Variants in ROBO4 observed in about 807,000 individuals in gnomAD.
ROBO4 encodes roundabout homolog 4.
Under a neutral mutation model 103.3 loss-of-function variants are expected in ROBO4, and 80 were observed. The ratio of observed to expected loss-of-function variants is 0.77; its 90% CI spans 0.65 to 0.93. The LOEUF (loss-of-function observed/expected upper bound fraction) is 0.93, where lower values mean the gene tolerates loss of function less well. Among genes scored for constraint, ROBO4 ranks in the 40% least tolerant of loss-of-function variants. The pLI is 0.00. For synonymous variants in ROBO4, 504 were observed against 529.7 expected (o/e 0.95, Z 0.67); for missense variants, 1,333 against 1,305.3 (o/e 1.02, Z -0.33).
chr11:124,893,867 C>A lies in ROBO4; in HGVS notation c.1497G>T (p.Leu499=), dbSNP rs1342790309. ...TCCCCCTCAGACTCTCACCTGGGCC[C>A]AGGTGCACCCTAGCTCGGCGCCGGC... ...IHRRRRARVH[L]GPGLYRYTSE... Residue 499 remains leucine (L), a synonymous_variant, in exon 9 of 18, where the codon CTG becomes CTT. Coordinates refer to ENST00000306534, the MANE Select transcript of ROBO4 (RefSeq NM_019055.6). 6 of 1,613,232 alleles carry A rather than the reference C, an allele frequency of 3.7e-6. No individual in the cohort carries two copies. The highest frequency in any genetic ancestry group is 1.7e-4 in the Middle Eastern group (1 of 5,812).
Position 124,895,577 on chromosome 11 carries a change from G to C in ROBO4, c.916C>G (p.Gln306Glu). Reference protein sequence around the residue: ...PWAEELLAGWQSAELGGLHWG... With the variant: ...PWAEELLAGWESAELGGLHWG... ...TGGAGGCCTCCAAGCTCTGCGCTCT[G>C]CCAGCCGGCCAGCAGCTCCTCTGCC... Residue 306 changes from glutamine to glutamate, a missense_variant, in exon 6 of 18, where the codon CAG (glutamine) becomes GAG (glutamate). By Grantham distance (29) the Gln-to-Glu change is conservative. Transcript: ENST00000306534. 3.7e-6 allele frequency: 6 copies of C among 1,613,328 alleles called. No homozygotes were observed. The highest frequency in any genetic ancestry group is 5.1e-6 in the Non-Finnish European group (6 of 1,180,028).
At chr11:124,895,348 G>A in intron 6 of ROBO4, 109 bp downstream of exon 6, 1 of 1,224,990 alleles carries the variant, frequency 8.2e-7, no homozygotes, top group Non-Finnish European at 1.2e-6. Flanking sequence ...GAGTCCCAGG[G>A]TAGGACCCAT....
chr11:124,893,932 G>A lies in ROBO4; in HGVS notation c.1432C>T (p.Leu478Phe), dbSNP rs771258026. The A allele has an allele frequency of 6.2e-7, 1 of 1,611,476 alleles. No homozygotes were observed. Among genetic ancestry groups the A allele is most frequent in the South Asian group, 1.1e-5 (1 of 90,730 alleles). Residue 478 changes from leucine to phenylalanine, a missense_variant, in exon 9 of 18, where the codon CTC becomes TTC. Transcript: ENST00000306534. ...PEVIATCGVA[L>F]WLLLLGTAVC... ...GCGGTGCCCAGAAGCAGCAGCCAGA[G>A]TGCAACACCGCAGGTGGCAATGACC...
chr11:124,885,314 G>A (rs1946695370), intron 16 of ROBO4, 67 bp from the exon 17 acceptor site: 1 of 1,351,708 alleles, frequency 7.4e-7, no homozygotes, highest in Non-Finnish European at 1.0e-6. Flanking sequence ...GTTTAGTACA[G>A]AAAGCTTAGG....
chr11:124,885,594 T>G (rs1432798380), intron 16 of ROBO4, among the ~76,000 whole-genome samples: 8 of 151,788 alleles, frequency 5.3e-5, no homozygotes, highest in East Asian at 3.9e-4. Flanking sequence ...TTTTTTTTTT[T>G]GTCGGGGCAA....
Position 124,897,772 on chromosome 11 carries a change from G to A in ROBO4, c.24C>T (p.Leu8=), listed in dbSNP as rs770718501. The change falls in exon 1 of 18, where the codon CTC becomes CTT. Residue 8 remains leucine (L), a synonymous_variant. Coordinates refer to ENST00000306534, the MANE Select transcript of ROBO4 (RefSeq NM_019055.6). MGSGGDS[L]LGGRGSLPLL... is the part of the protein sequence containing the mutation. ...GAGGCAGGGAACCCCTGCCCCCCAG[G>A]AGGCTGTCTCCTCCAGAGCCCATGG... is the stretch of plus-strand genomic sequence containing the variant. The A allele has an allele frequency of 7.4e-6, 12 of 1,613,756 alleles. No individual in the cohort carries two copies. The highest frequency in any genetic ancestry group is 1.0e-5 in the Non-Finnish European group (12 of 1,179,922).
rs371016068 is a variant in ROBO4 at position 124,895,474 on chromosome 11, A to T, written c.1019T>A (p.Leu340Gln). 2.1e-5 allele frequency: 34 copies of T among 1,610,274 alleles called. No homozygotes were observed. The highest frequency in any genetic ancestry group is 2.7e-5 in the Non-Finnish European group (32 of 1,179,994). ...ARGPDSNVLL[L>Q]RLPEKVPSAP... is the part of the protein sequence containing the mutation. ...GCCCTGACCTTTTTCCGGCAGCCTC[A>T]GGAGCAGCACGTTGCTGTCAGGGCC... is the stretch of plus-strand genomic sequence containing the variant. The change falls in exon 6 of 18, where the codon CTG becomes CAG. Residue 340 changes from leucine to glutamine, a missense_variant. Physicochemically the swap from Leu to Gln is moderately radical, Grantham distance 113. Transcript: ENST00000306534.
intron 16 of ROBO4, among the ~76,000 whole-genome samples, chr11:124,885,887 C>T (rs1946703645): frequency 6.6e-6 from 1 of 152,132 alleles, no homozygotes; most frequent in Non-Finnish European, 1.5e-5. Context: ...AGTTGGCTGC[C>T]TTTAGAACTG....
chr11:124,889,379 AG>A (rs1946767736), intron 12 of ROBO4, among the ~76,000 whole-genome samples: 1 of 152,166 alleles, frequency 6.6e-6, no homozygotes. Context: ...GGCCTGGAAA[AG>A]GCCACTTTTA....
Position 124,884,779 on chromosome 11 carries a change from G to T in ROBO4, c.*112C>A. On this transcript the variant is annotated 3_prime_UTR_variant, in exon 18 of 18. Transcript: ENST00000306534. ...AACTCTCTGGAGGCTTGGGAAGGTG[G>T]ACCCCAGCTGCAGAGAAACACAGGC... 8.4e-7 allele frequency: 1 copy of T among 1,196,092 alleles called. No homozygotes were observed. The highest frequency in any genetic ancestry group is 1.2e-6 in the Non-Finnish European group (1 of 804,168). The allele number at this position is 1,196,092 out of a possible 1,614,324, so 74.1% of individuals were successfully genotyped here. A position where few individuals can be genotyped will look rare whatever the true frequency, so the allele number is the denominator to read the frequency against.
At chr11:124,892,795 A>G (rs1358390500) in intron 10 of ROBO4, 2 of 152,458 alleles carry the variant, frequency 1.3e-5, no homozygotes, top group African/African-American at 4.8e-5. Flanking sequence ...TCAAGGACAG[A>G]GCAGGAGATC....
At chr11:124,891,148 AAG>A (rs1946790432) in intron 12 of ROBO4, 149 bp downstream of exon 12, 7 of 893,890 alleles carry the variant, frequency 7.8e-6, no homozygotes, top group Non-Finnish European at 9.4e-6. Context: ...TGGTAGGAGA[AAG>A]AGGTCTTGTG....
rs1946869623 is a variant in ROBO4, at chr11:124,895,467, C to T, written c.1026G>A (p.Leu342=). ...GPDSNVLLLR[L]PEKVPSAPPQ... ...GGATCAGGCCCTGACCTTTTTCCGG[C>T]AGCCTCAGGAGCAGCACGTTGCTGT... The change falls in exon 6 of 18, where the codon CTG becomes CTA. Residue 342 remains leucine, a synonymous_variant. Transcript: ENST00000306534. 1 of 1,609,624 alleles carries T rather than the reference C, an allele frequency of 6.2e-7. No homozygotes were observed. The highest frequency in any genetic ancestry group is 8.5e-7 in the Non-Finnish European group (1 of 1,179,888).
Position 124,894,309 on chromosome 11 carries a change from T to G in ROBO4, c.1210A>C (p.Thr404Pro). The G allele has an allele frequency of 6.2e-7, 1 of 1,613,982 alleles. No individual in the cohort carries two copies. The highest frequency in any genetic ancestry group is 8.5e-7 in the Non-Finnish European group (1 of 1,179,974). The part of the protein sequence containing the change: ...PANWTVVGEQ[T>P]QLEIATHMPG... ...ATATGGGTGGCGATTTCCAGCTGGGTCTGCTCACCAACTACAGTCCAGTTG... is the reference window on the plus strand; with the variant it reads ...ATATGGGTGGCGATTTCCAGCTGGGGCTGCTCACCAACTACAGTCCAGTTG... The change falls in exon 8 of 18, where the codon ACC (threonine) becomes CCC (proline). Residue 404 changes from threonine to proline, a missense_variant. Coordinates refer to ENST00000306534, the MANE Select transcript of ROBO4 (RefSeq NM_019055.6).
In ROBO4 at chr11:124,884,707, C is replaced by T. The variant is rs925317995; in HGVS notation, c.*184G>A. On this transcript the variant is annotated 3_prime_UTR_variant, in exon 18 of 18. Transcript: ENST00000306534. ...TTGCTCCCTGAGGGCTCCAGGTCAG[C>T]TTTGCTCTAATTTTGTTTTCATTTG... 3 of 686,418 alleles carry T rather than the reference C, an allele frequency of 4.4e-6. No individual in the cohort carries two copies. Among genetic ancestry groups the T allele is most frequent in the Non-Finnish European group, 2.5e-6 (1 of 392,568 alleles). The allele number at this position is 686,418 out of a possible 1,614,324, so 42.5% of individuals were successfully genotyped here.
rs1466483178 is a variant in ROBO4, at chr11:124,887,187, G to A, written c.2225C>T (p.Ser742Phe). ...TQPPVAPQAP[S>F]SILLPAAPIP... is the part of the protein sequence containing the mutation. ...GGGGGCTGCTGGCAGCAGGATGGAG[G>A]AGGGAGCCTGTGGTGCCACCGGAGG... The change falls in exon 15 of 18, where the codon TCC (serine) becomes TTC (phenylalanine). Residue 742 changes from serine to phenylalanine, a missense_variant. Transcript: ENST00000306534. The A allele has an allele frequency of 1.9e-6, 3 of 1,599,688 alleles. No individual in the cohort carries two copies. Among genetic ancestry groups the A allele is most frequent in the Non-Finnish European group, 2.6e-6 (3 of 1,171,758 alleles).
In ROBO4 at chr11:124,895,578, C is replaced by T. The variant is rs1415578576; in HGVS notation, c.915G>A (p.Trp305Ter). The T allele has an allele frequency of 2.5e-6, 4 of 1,613,286 alleles. No individual in the cohort carries two copies. The highest frequency in any genetic ancestry group is 1.3e-5 in the African/African-American group (1 of 74,922). The part of the protein sequence containing the change: ...APWAEELLAG[W>*]QSAELGGLHW... ...GGAGGCCTCCAAGCTCTGCGCTCTG[C>T]CAGCCGGCCAGCAGCTCCTCTGCCC... The change falls in exon 6 of 18, where the codon TGG becomes TGA. Residue 305 changes from tryptophan to a stop codon, truncating the protein, a stop_gained. Coordinates refer to ENST00000306534, the MANE Select transcript of ROBO4 (RefSeq NM_019055.6). LOFTEE classifies it high-confidence loss of function.
Position 124,897,025 on chromosome 11 carries a change from G to C in ROBO4, c.307C>G (p.Gln103Glu), listed in dbSNP as rs753676228. The C allele has an allele frequency of 7.4e-6, 12 of 1,614,062 alleles. No individual in the cohort carries two copies. In the South Asian group the frequency reaches 1.3e-4, roughly 18 times the overall value. Reference sequence around the variant, plus strand: ...ACACCCAGGTCTGTGGACAGGGCCTGGCCATCGTGGGCATGTCCCCGGGCA... The same window carrying C: ...ACACCCAGGTCTGTGGACAGGGCCTCGCCATCGTGGGCATGTCCCCGGGCA... ...PPARGHAHDG[Q>E]ALSTDLGVYT... Residue 103 changes from glutamine to glutamate, a missense_variant, in exon 2 of 18, where the codon CAG (glutamine) becomes GAG (glutamate). Gln to Glu is a conservative substitution (Grantham distance 29). Transcript: ENST00000306534.
rs1591528299 is a variant in ROBO4 at position 124,884,650 on chromosome 11, G to A, written c.*241C>T. ...GGGAGTGGATGGCACAGAGGAGAAA[G>A]CAGTGGCTAGGAGTCAGGTGGAGAT... On this transcript the variant is annotated 3_prime_UTR_variant, in exon 18 of 18. Transcript: ENST00000306534. 2 of 593,638 alleles carry A rather than the reference G, an allele frequency of 3.4e-6. No homozygotes were observed. Among genetic ancestry groups the A allele is most frequent in the East Asian group, 2.8e-5 (1 of 35,660 alleles). The allele number at this position is 593,638 out of a possible 1,614,324, so 36.8% of individuals were successfully genotyped here.
Sources: allele counts gnomAD v4.1 joint callset (sites outside exome capture counted in the v4.1 genomes callset), GRCh38; gene constraint gnomAD v4.1.1; transcripts MANE v1.5; gene names NCBI Gene and HGNC (gene_info 2026-07-23, HGNC 2026-07-21).